Variants in TTN observed in about 807,000 individuals in gnomAD.
TTN encodes the protein connectin.
Under a neutral mutation model 3,223.0 loss-of-function variants are expected in TTN, and 1,525 were observed. The observed-to-expected ratio is 0.47, with a 90% CI of 0.45 to 0.49. The LOEUF is 0.49. TTN is among the 20% of genes least tolerant of loss of function. TTN has a pLI of 0.00. For synonymous variants in TTN, 14,094 were observed against 15,161.0 expected, an observed-to-expected ratio of 0.93 and a Z score of 5.17; for missense variants, 40,786 against 43,424.0, an observed-to-expected ratio of 0.94 and a Z score of 5.40.
At chr2:178,623,204 G>A (rs181156101) in intron 242 of TTN, among the ~76,000 whole-genome samples, 87 of 152,008 alleles carry the variant, frequency 5.7e-4, no homozygotes, top group African/African-American at 1.9e-3. Context: ...GATAGAACAC[G>A]TGAAGCACTA....
At position 178,630,266 on chromosome 2, in the gene TTN, T is replaced by C; in HGVS notation, c.44256A>G (p.Lys14752=). 1 of 1,613,206 alleles carries C rather than the reference T, an allele frequency of 6.2e-7. No individual in the cohort carries two copies. Among genetic ancestry groups the C allele is most frequent in the African/African-American group, 1.3e-5 (1 of 74,988 alleles). ...GGVDFQAANV[K]SSAHLRVKPR... ...GCTTAACTCGGAGGTGGGCACTAGA[T>C]TTAACATTGGCAGCTTGGAAATCCA... The change falls in exon 239 of 363, where the codon AAA becomes AAG. Residue 14752 remains lysine, a synonymous_variant. Transcript: ENST00000589042.
Position 178,609,981 on chromosome 2 carries a change from G to C in TTN, c.51442C>G (p.Pro17148Ala). The C allele has an allele frequency of 1.2e-6, 2 of 1,610,852 alleles. No homozygotes were observed. The highest frequency in any genetic ancestry group is 1.7e-6 in the Non-Finnish European group (2 of 1,178,678). ...PVIAQDPKQP[P>A]DPPVDVEVHN... ...ACCTCTACATCTACAGGTGGATCAG[G>C]GGGTTCTGAAGAACAAGAAAAAAAT... The change falls in exon 272 of 363, where the codon CCT becomes GCT. Residue 17148 changes from proline to alanine, a missense_variant. Coordinates refer to ENST00000589042, the MANE Select transcript of TTN (RefSeq NM_001267550.2).
In TTN at chr2:178,682,837, C is replaced by G. The variant is rs181395238; in HGVS notation, c.32954G>C (p.Arg10985Pro). 2.9e-4 allele frequency: 465 copies of G among 1,612,806 alleles called. 1 individual carries two copies. In the East Asian group the frequency reaches 0.01, roughly 35 times the overall value. The change falls in exon 135 of 363, where the codon CGG becomes CCG. Residue 10985 changes from arginine to proline, a missense_variant. By Grantham distance (103) the Arg-to-Pro change is moderately radical. Coordinates refer to ENST00000589042, the MANE Select transcript of TTN (RefSeq NM_001267550.2). Reference sequence around the variant, plus strand: ...TTCATATTCCTCATATTCTTCTTCCCGTTGTACTGAAACAGCTTCTTCTTC... The same window carrying G: ...TTCATATTCCTCATATTCTTCTTCCGGTTGTACTGAAACAGCTTCTTCTTC... ...TLEEEAVSVQ[R>P]EEEYEEYEEY...
chr2:178,804,526 AC>A, intron 2 of TTN, 25 bp downstream of exon 2: 1 of 1,612,074 alleles, frequency 6.2e-7, no homozygotes, highest in Non-Finnish European at 8.5e-7. Context: ...GGAAAAAAAA[AC>A]AAAAGTGTGA....
rs370187677 is a variant in TTN at position 178,769,420 on chromosome 2, AT to A, written c.8902+258del. On this transcript the variant is annotated intron_variant, in intron 37 of 362. Coordinates refer to ENST00000589042, the MANE Select transcript of TTN (RefSeq NM_001267550.2). ...AAGTGTGTGCCACCATGCCCAGCTA[AT>A]TTTTTTTTTTCCTTTTGTCTTTGCT... Among the ~76,000 whole-genome samples, 651 of 146,080 alleles carry A rather than the reference AT, an allele frequency of 4.5e-3. 6 individuals carry two copies. Among genetic ancestry groups the A allele is most frequent in the African/African-American group, 0.013 (517 of 39,884 alleles).
intron 265 of TTN, 60 bp downstream of exon 265, chr2:178,612,713 C>T (rs1001690820): frequency 1.4e-5 from 21 of 1,554,472 alleles, no homozygotes; most frequent in Admixed American, 1.3e-4. Context: ...TTTCTCATAT[C>T]GTAGCTCACA....
intron 115 of TTN, 58 bp from the exon 116 acceptor site, chr2:178,694,964 C>A (rs2073343873): frequency 8.4e-7 from 1 of 1,184,676 alleles, no homozygotes; most frequent in Non-Finnish European, 1.2e-6. Flanking sequence ...AATTCTCTCT[C>A]TCTCTATCTC....
At position 178,647,040 on chromosome 2, in the gene TTN, G is replaced by GTATA. The variant is rs10580462; in HGVS notation, c.40222+20_40222+23dup. On this transcript the variant is annotated intron_variant, in intron 215 of 362. Coordinates refer to ENST00000589042, the MANE Select transcript of TTN (RefSeq NM_001267550.2). ...GGAATCTTCAGGAGATTAAAAAAAT[G>GTATA]TATATATATATATATATATATACCT... 6.5e-3 allele frequency: 4,749 copies of GTATA among 730,512 alleles called. 30 individuals are homozygous for GTATA. Among genetic ancestry groups the GTATA allele is most frequent in the African/African-American group, 0.033 (1,736 of 52,358 alleles). 45.3% of individuals were successfully genotyped at this position (730,512 alleles called of 1,614,324 possible).
chr2:178,750,072 C>T, intron 47 of TTN: 1 of 1,613,176 alleles, frequency 6.2e-7, no homozygotes, highest in Non-Finnish European at 8.5e-7. Context: ...ATAGGAGTAG[C>T]TGCTGTTACC....
rs2054404821 is a variant in TTN at position 178,604,865 on chromosome 2, G to C, written c.54224C>G (p.Thr18075Ser). The C allele has an allele frequency of 1.9e-6, 3 of 1,612,122 alleles. No individual in the cohort carries two copies. The Admixed American group carries it at 5.0e-5, about 27-fold the overall frequency. Residue 18075 changes from threonine (T) to serine (S), a missense_variant, in exon 281 of 363, where the codon ACT (threonine) becomes AGT (serine). Physicochemically the swap from Thr to Ser is moderately conservative, Grantham distance 58 (BLOSUM62 1). Coordinates refer to ENST00000589042, the MANE Select transcript of TTN (RefSeq NM_001267550.2). ...GTAGCAAGATTCAGCTTTAATGTCA[G>C]TAACAGCAAGATTTCTTGGTGGGGA... ...RPSPPRNLAV[T>S]DIKAESCYLT...
At chr2:178,679,452 C>T in intron 141 of TTN, 36 bp from the exon 142 acceptor site, 1 of 1,603,738 alleles carries the variant, frequency 6.2e-7, no homozygotes, top group East Asian at 2.2e-5. Flanking sequence ...GTTCTAACTA[C>T]TAGTAACAAC....
In TTN at chr2:178,722,643, T is replaced by C. The variant is rs758498138; in HGVS notation, c.22240+16A>G. 1 of 1,591,932 alleles carries C rather than the reference T, an allele frequency of 6.3e-7. No homozygotes were observed. Among genetic ancestry groups the C allele is most frequent in the East Asian group, 2.2e-5 (1 of 44,582 alleles). On this transcript the variant is annotated intron_variant, in intron 76 of 362. Transcript: ENST00000589042. ...TAAGGAAAAAAGAATTTTTTTAATT[T>C]GTAAAATATCATCACCTTGAATTCT...
intron 218 of TTN, among the ~76,000 whole-genome samples, chr2:178,643,565 T>TA (rs1199714857): frequency 1.3e-5 from 2 of 151,984 alleles, no homozygotes; most frequent in Non-Finnish European, 2.9e-5. Context: ...TCTTTACTGA[T>TA]ATAATGAACA....
At position 178,782,028 on chromosome 2, in the gene TTN, C is replaced by G. The variant is rs772958797; in HGVS notation, c.3380+184G>C. Among the ~76,000 whole-genome samples, 4 of 152,028 alleles carry G rather than the reference C, an allele frequency of 2.6e-5. 1 individual carries two copies. Among genetic ancestry groups the G allele is most frequent in the Non-Finnish European group, 5.9e-5 (4 of 68,010 alleles). On this transcript the variant is annotated intron_variant, in intron 20 of 362. Coordinates refer to ENST00000589042, the MANE Select transcript of TTN (RefSeq NM_001267550.2). ...ATATATCTTCCATCCACTTTTGTCA[C>G]ATAGCTTTATTTCTTAGGAAGACTT...
At position 178,732,560 on chromosome 2, in the gene TTN, C is replaced by A; in HGVS notation, c.16501G>T (p.Glu5501Ter). Residue 5501 changes from glutamate to a stop codon, truncating the protein, a stop_gained, in exon 56 of 363, where the codon GAA (glutamate) becomes TAA (stop). Coordinates refer to ENST00000589042, the MANE Select transcript of TTN (RefSeq NM_001267550.2). LOFTEE classifies it high-confidence loss of function. ...VSGGSCYITK[E>*]ALESSLELYL... ...AGTTCCAGGGAACTCTCTAAAGCTTCTTTGGTAATATAGCAGCTTCCACCA... is the reference window on the plus strand; with the variant it reads ...AGTTCCAGGGAACTCTCTAAAGCTTATTTGGTAATATAGCAGCTTCCACCA... 6.2e-7 allele frequency: 1 copy of A among 1,613,674 alleles called. No homozygotes were observed. The highest frequency in any genetic ancestry group is 8.5e-7 in the Non-Finnish European group (1 of 1,179,752).
chr2:178,666,940 CAAAGGCAT>C, intron 162 of TTN, 39 bp from the exon 163 acceptor site: 1 of 1,430,694 alleles, frequency 7.0e-7, no homozygotes, highest in Non-Finnish European at 9.4e-7. Flanking sequence ...TGAGAAAAGG[CAAAGGCAT>C]AAAGACATGA....
chr2:178,536,445 C>T lies in TTN; in HGVS notation c.100302G>A (p.Lys33434=). The stretch of plus-strand genomic sequence containing the variant: ...TCACAGAAATCCATTTATTCTGCTT[C>T]TTCTCACGCTTCTCAAGGTAGTAAT... ...IRNYYLEKRE[K]KQNKWISVTT... Residue 33434 remains lysine, a synonymous_variant, in exon 357 of 363, where the codon AAG becomes AAA. Coordinates refer to ENST00000589042, the MANE Select transcript of TTN (RefSeq NM_001267550.2). The T allele has an allele frequency of 6.2e-7, 1 of 1,610,922 alleles. No individual in the cohort carries two copies. Among genetic ancestry groups the T allele is most frequent in the Non-Finnish European group, 8.5e-7 (1 of 1,178,078 alleles).
chr2:178,527,797 T>C (rs1454627639), intron 361 of TTN, 49 bp from the exon 362 acceptor site: 3 of 1,498,350 alleles, frequency 2.0e-6, no homozygotes, highest in African/African-American at 1.4e-5. Context: ...ATCTGGTTAA[T>C]TGATGACATA....
intron 139 of TTN, 73 bp from the exon 140 acceptor site, chr2:178,680,128 G>C: frequency 6.3e-7 from 1 of 1,586,416 alleles, no homozygotes; most frequent in Non-Finnish European, 8.6e-7. Flanking sequence ...AGAAACACAG[G>C]CCCATTTATA....
Sources: gnomAD v4.1 joint callset for allele counts (sites outside exome capture counted in the v4.1 genomes callset) on GRCh38, gnomAD v4.1.1 for gene constraint, MANE v1.5 for transcripts, NCBI Gene and HGNC (gene_info 2026-07-23, HGNC 2026-07-21) for gene names.